The following L3MBTL4 variants were observed in gnomAD, a reference collection of about 807,000 sequenced individuals.
L3MBTL4 encodes L3MBTL histone methyl-lysine binding protein 4.
In L3MBTL4, 70 loss-of-function variants were observed where a neutral mutation model predicts 84.5. That is an observed-to-expected ratio of 0.83 (90% CI 0.68 to 1.01). The LOEUF (loss-of-function observed/expected upper bound fraction) is 1.01, where lower values mean the gene tolerates loss of function less well. Among genes scored for constraint, L3MBTL4 ranks in the 50% least tolerant of loss-of-function variants. L3MBTL4 has a pLI of 0.00. For missense variants in L3MBTL4, 715 were observed against 754.8 expected (o/e 0.95, Z 0.62); for synonymous variants, 274 against 259.8 (o/e 1.05, Z -0.52).
At chr18:6,151,687 G>A (rs2042904211) in intron 13 of L3MBTL4, among the ~76,000 whole-genome samples, 1 of 152,122 alleles carries the variant, frequency 6.6e-6, no homozygotes, top group South Asian at 2.1e-4. Flanking sequence ...GAGCCACCGT[G>A]CCCAGACTAA....
At chr18:5,972,899 GAATAGAAT>G (rs1567933897) in intron 16 of L3MBTL4, among the ~76,000 whole-genome samples, 474 of 11,236 alleles carry the variant, frequency 0.042, 21 homozygotes, top group African/African-American at 0.13. Flanking sequence ...GAAGAGAATA[GAATAGAAT>G]AGAATAGAAT....
chr18:6,371,638 G>C (rs1197123393), intron 1 of L3MBTL4, among the ~76,000 whole-genome samples: 1 of 152,192 alleles, frequency 6.6e-6, no homozygotes, highest in Admixed American at 6.5e-5. Context: ...TTACTGAATT[G>C]TTAAGGCAGG....
chr18:6,362,210 A>T (rs1021809754), intron 1 of L3MBTL4, among the ~76,000 whole-genome samples: 1 of 64,586 alleles, frequency 1.5e-5, no homozygotes, highest in African/African-American at 6.8e-5. Flanking sequence ...GGAGGGAAGG[A>T]GGGAGGGAGG....
At chr18:6,290,499 A>T (rs2049809074) in intron 4 of L3MBTL4, among the ~76,000 whole-genome samples, 1 of 151,716 alleles carries the variant, frequency 6.6e-6, no homozygotes, top group Non-Finnish European at 1.5e-5. Flanking sequence ...CTTTAATTTT[A>T]CAAGTGAACT....
chr18:6,290,620 C>T (rs751493389), intron 4 of L3MBTL4, among the ~76,000 whole-genome samples: 18 of 151,936 alleles, frequency 1.2e-4, no homozygotes, highest in Non-Finnish European at 1.6e-4. Context: ...CTCAACCTCC[C>T]AGGTTCAACC....
At chr18:6,213,098 G>A (rs377370957) in intron 12 of L3MBTL4, 51 bp downstream of exon 12, 169 of 1,036,100 alleles carry the variant, frequency 1.6e-4, no homozygotes, top group Non-Finnish European at 2.2e-4. Context: ...GGAAACAAAA[G>A]TAATGTAGGA....
At chr18:6,110,905 T>C (rs2059175511) in intron 14 of L3MBTL4, among the ~76,000 whole-genome samples, 1 of 152,154 alleles carries the variant, frequency 6.6e-6, no homozygotes, top group Non-Finnish European at 1.5e-5. Context: ...ATTTTGTTCA[T>C]GCCCATTTCC....
At chr18:6,411,348 C>T (rs1479295957) in intron 1 of L3MBTL4, among the ~76,000 whole-genome samples, 1 of 152,136 alleles carries the variant, frequency 6.6e-6, no homozygotes, top group African/African-American at 2.4e-5. Flanking sequence ...TTTGCCAATG[C>T]TACAAGATGG....
At chr18:6,186,495 T>C (rs1177504967) in intron 12 of L3MBTL4, among the ~76,000 whole-genome samples, 2 of 151,992 alleles carry the variant, frequency 1.3e-5, no homozygotes, top group African/African-American at 4.8e-5. Flanking sequence ...GGGGAGGACA[T>C]GGGATAAACA....
At chr18:6,413,652 A>C (rs975613201) in intron 1 of L3MBTL4, among the ~76,000 whole-genome samples, 5 of 152,344 alleles carry the variant, frequency 3.3e-5, no homozygotes, top group Non-Finnish European at 7.3e-5. Flanking sequence ...CATCTTCTAG[A>C]ACAGCTCCAA....
intron 15 of L3MBTL4, 162 bp from the exon 16 acceptor site, chr18:6,081,113 T>C: frequency 2.0e-6 from 1 of 498,112 alleles, no homozygotes; most frequent in South Asian, 3.7e-5. Context: ...TTTAAGATTT[T>C]AAAAACACAC....
chr18:6,141,129 A>G (rs1457013038), intron 13 of L3MBTL4, among the ~76,000 whole-genome samples: 1 of 151,352 alleles, frequency 6.6e-6, no homozygotes, highest in South Asian at 2.1e-4. Context: ...CTGAAACTAC[A>G]TACTGTACTA....
At chr18:6,327,730 A>C (rs772899679) in intron 1 of L3MBTL4, among the ~76,000 whole-genome samples, 2 of 152,206 alleles carry the variant, frequency 1.3e-5, no homozygotes, top group Non-Finnish European at 2.9e-5. Context: ...AAATACTGAG[A>C]TTAGTAAATC....
chr18:6,091,920 A>C (rs1301764102), intron 15 of L3MBTL4, among the ~76,000 whole-genome samples: 2 of 152,214 alleles, frequency 1.3e-5, no homozygotes, highest in Admixed American at 1.3e-4. Flanking sequence ...TTCCTTGGAA[A>C]TAGTTAAAAA....
At chr18:6,062,379 T>A (rs1295598365) in intron 16 of L3MBTL4, among the ~76,000 whole-genome samples, 2 of 152,032 alleles carry the variant, frequency 1.3e-5, no homozygotes, top group Non-Finnish European at 2.9e-5. Context: ...AAGGTGATTA[T>A]TTTCCTCTGG....
chr18:6,298,322 C>A (rs1048369789), intron 4 of L3MBTL4, among the ~76,000 whole-genome samples: 1 of 152,036 alleles, frequency 6.6e-6, no homozygotes, highest in African/African-American at 2.4e-5. Flanking sequence ...ACTTTGATTT[C>A]TTCTTATCTG....
intron 16 of L3MBTL4, chr18:6,031,199 A>T: frequency 1.0e-6 from 1 of 985,412 alleles, no homozygotes; most frequent in Non-Finnish European, 1.2e-6. Flanking sequence ...TAGAATGATC[A>T]TTGAGCATTA....
chr18:6,388,994 T>G (rs460910), intron 1 of L3MBTL4, among the ~76,000 whole-genome samples: 78,105 of 151,540 alleles, frequency 0.52, 20,137 homozygotes, highest in East Asian at 0.59. Flanking sequence ...ACAAGGAAAG[T>G]CAGGAAGGAA....
chr18:6,250,410 G>A (rs778771067), intron 5 of L3MBTL4, among the ~76,000 whole-genome samples: 2 of 152,082 alleles, frequency 1.3e-5, no homozygotes, highest in African/African-American at 4.8e-5. Context: ...TTATGAGATC[G>A]AATAGATGAT....
Sources: gnomAD v4.1 joint callset for allele counts (sites outside exome capture counted in the v4.1 genomes callset) on GRCh38, gnomAD v4.1.1 for gene constraint, MANE v1.5 for transcripts, NCBI Gene and HGNC (gene_info 2026-07-23, HGNC 2026-07-21) for gene names.